The following PHACTR1 variants were observed in gnomAD, a reference collection of about 807,000 sequenced individuals.
PHACTR1 encodes RPEL repeat containing 1.
A neutral mutation model predicts 69.2 loss-of-function variants in PHACTR1; 16 were observed. The observed-to-expected ratio is 0.23, with a 90% CI of 0.16 to 0.35. The LOEUF is 0.35. PHACTR1 is among the 10% of genes least tolerant of loss of function. The probability of loss-of-function intolerance (pLI) is 1.00; values close to 1 mark genes in which losing one functional copy is unlikely to be tolerated. For synonymous variants in PHACTR1, 312 were observed against 284.5 expected (o/e 1.10, Z -0.97); for missense variants, 510 against 734.7 (o/e 0.69, Z 3.54).
intron 4 of PHACTR1, among the ~76,000 whole-genome samples, chr6:12,828,565 T>C (rs1777060349): frequency 6.6e-6 from 1 of 152,208 alleles, no homozygotes; most frequent in South Asian, 2.1e-4. Context: ...TAGGGTATAA[T>C]ATTCTTGCCA....
chr6:13,035,794 T>C (rs1178650939), intron 4 of PHACTR1, among the ~76,000 whole-genome samples: 1 of 152,162 alleles, frequency 6.6e-6, no homozygotes, highest in Non-Finnish European at 1.5e-5. Flanking sequence ...TGCACATACG[T>C]CAGTGATAGC....
chr6:12,972,139 A>G (rs958034702), intron 4 of PHACTR1, among the ~76,000 whole-genome samples: 5 of 152,230 alleles, frequency 3.3e-5, no homozygotes, highest in Admixed American at 2.6e-4. Flanking sequence ...GTGATATAGT[A>G]TAAACAACTA....
In PHACTR1 at chr6:13,147,667, A is replaced by G. The variant is rs932630049; in HGVS notation, c.416-12537A>G. ...TTGCCTTATAACCACCCTTTCTTTC[A>G]TTAACAGGAGTTAGTTTACTGGCCA... On this transcript the variant is annotated intron_variant, in intron 5 of 14. Transcript: ENST00000332995. Among the ~76,000 whole-genome samples the G allele has an allele frequency of 2.6e-5, 4 of 152,202 alleles. No homozygotes were observed. The East Asian group carries it at 5.8e-4, about 22-fold the overall frequency.
chr6:12,881,853 G>A, intron 4 of PHACTR1, among the ~76,000 whole-genome samples: 1 of 152,168 alleles, frequency 6.6e-6, no homozygotes, highest in Non-Finnish European at 1.5e-5. Flanking sequence ...AGAAAGAAGG[G>A]CAAAAGGTCA....
intron 4 of PHACTR1, among the ~76,000 whole-genome samples, chr6:13,009,868 C>T (rs1582946310): frequency 6.6e-6 from 1 of 151,488 alleles, no homozygotes; most frequent in Non-Finnish European, 1.5e-5. Flanking sequence ...CTGCCACCAC[C>T]ACCACCACCA....
rs113833725 is a variant in PHACTR1, at chr6:13,183,212, A to T, written c.664+526A>T. On this transcript the variant is annotated intron_variant, in intron 7 of 14. Coordinates refer to ENST00000332995, the MANE Select transcript of PHACTR1 (RefSeq NM_030948.6). ...TGATTTTTGATGCCATCTGACTGTC[A>T]TCTCCTTCTTTGGTCCAAAGGTGGC... is the stretch of plus-strand genomic sequence containing the variant. Among the ~76,000 whole-genome samples, 464 of 152,252 alleles carry T rather than the reference A, an allele frequency of 3.0e-3. 3 individuals are homozygous for T. Among genetic ancestry groups the T allele is most frequent in the African/African-American group, 0.011 (447 of 41,542 alleles).
intron 5 of PHACTR1, among the ~76,000 whole-genome samples, chr6:13,077,270 G>A (rs185259316): frequency 6.6e-6 from 1 of 151,636 alleles, no homozygotes; most frequent in Admixed American, 6.6e-5. Flanking sequence ...GAGGTATTAT[G>A]TACTCCCATC....
chr6:12,872,113 T>C (rs1782090658), intron 4 of PHACTR1, among the ~76,000 whole-genome samples: 1 of 152,216 alleles, frequency 6.6e-6, no homozygotes, highest in East Asian at 1.9e-4. Flanking sequence ...TTCTGATTGC[T>C]ACTGGATTTC....
chr6:13,283,781 AT>A lies in PHACTR1; in HGVS notation c.1650+223del. The A allele has an allele frequency of 1.6e-6, 1 of 613,788 alleles. No individual in the cohort carries two copies. Among genetic ancestry groups the A allele is most frequent in the Non-Finnish European group, 2.8e-6 (1 of 359,132 alleles). 38.0% of individuals were successfully genotyped at this position (613,788 alleles called of 1,614,324 possible). On this transcript the variant is annotated intron_variant, in intron 13 of 14. Transcript: ENST00000332995. This position sits in a 1 kb window ranked among gnomAD's most constrained non-coding sequence, Gnocchi z 4.7. ...ACACAAGGCACATAATACTGTGCCC[AT>A]TTTACAGGAGGAGGAGCAGCAGCCT...
intron 4 of PHACTR1, among the ~76,000 whole-genome samples, chr6:12,787,764 G>A (rs1484747681): frequency 6.6e-6 from 1 of 152,092 alleles, no homozygotes; most frequent in African/African-American, 2.4e-5. Context: ...GGATGAGTAC[G>A]GTGGCAAATT....
chr6:12,801,135 T>C (rs905301436), intron 4 of PHACTR1, among the ~76,000 whole-genome samples: 8 of 152,212 alleles, frequency 5.3e-5, no homozygotes, highest in African/African-American at 1.9e-4. Context: ...ATCATTTGTA[T>C]TGGTGAAGTA....
At chr6:12,891,138 A>G (rs1178381694) in intron 4 of PHACTR1, among the ~76,000 whole-genome samples, 3 of 151,942 alleles carry the variant, frequency 2.0e-5, no homozygotes, top group Admixed American at 2.0e-4. Flanking sequence ...CTCATTCATC[A>G]TGTTTGAGGA....
chr6:13,077,500 T>C (rs1056068046), intron 5 of PHACTR1, among the ~76,000 whole-genome samples: 1 of 151,964 alleles, frequency 6.6e-6, no homozygotes, highest in Non-Finnish European at 1.5e-5. Context: ...AGATCAGAAG[T>C]GTGTTTTGGA....
chr6:12,813,038 G>T (rs1393521084), intron 4 of PHACTR1, among the ~76,000 whole-genome samples: 2 of 152,156 alleles, frequency 1.3e-5, no homozygotes, highest in Non-Finnish European at 2.9e-5. Flanking sequence ...CTAATTGGTT[G>T]TGAAGCTTTG....
intron 4 of PHACTR1, among the ~76,000 whole-genome samples, chr6:13,049,746 A>C (rs1805632975): frequency 6.6e-6 from 1 of 152,226 alleles, no homozygotes; most frequent in South Asian, 2.1e-4. Flanking sequence ...TAATATAAAA[A>C]ATAGGTTATT....
intron 8 of PHACTR1, among the ~76,000 whole-genome samples, chr6:13,216,884 A>G (rs1209002011): frequency 6.6e-6 from 1 of 152,182 alleles, no homozygotes; most frequent in Admixed American, 6.5e-5. Context: ...GTTAAAATGA[A>G]ACTGTACAAA....
intron 6 of PHACTR1, among the ~76,000 whole-genome samples, chr6:13,168,729 G>T (rs1052967662): frequency 6.6e-6 from 1 of 152,194 alleles, no homozygotes. Context: ...TGCTAGAGAA[G>T]ATAGGAGGGG....
rs900569653 is a variant in PHACTR1 at position 13,093,404 on chromosome 6, A to G, written c.415+39875A>G. 4.6e-5 allele frequency among the ~76,000 whole-genome samples: 7 copies of G among 152,234 alleles called. No homozygotes were observed. The East Asian group carries it at 1.3e-3, about 29-fold the overall frequency. On this transcript the variant is annotated intron_variant, in intron 5 of 14. Transcript: ENST00000332995. Reference sequence around the variant, plus strand: ...AATTGAGAATTGAGCCAAATGTTCTATAAGAAAGATCATTCCGATTATTAG... The same window carrying G: ...AATTGAGAATTGAGCCAAATGTTCTGTAAGAAAGATCATTCCGATTATTAG...
At chr6:13,219,697 C>A (rs114887063) in intron 8 of PHACTR1, among the ~76,000 whole-genome samples, 2,686 of 152,240 alleles carry the variant, frequency 0.018, 72 homozygotes, top group African/African-American at 0.061. Context: ...TCCATAATAG[C>A]GCTCATCATG....
Sources: allele counts gnomAD v4.1 joint callset (sites outside exome capture counted in the v4.1 genomes callset), GRCh38; gene constraint gnomAD v4.1.1; non-coding constraint Gnocchi (gnomAD v3.1); transcripts MANE v1.5; gene names NCBI Gene and HGNC (gene_info 2026-07-23, HGNC 2026-07-21).